ZNF805: variants seen among roughly 807,000 people sequenced by gnomAD.
ZNF805 encodes zinc finger protein 805.
In ZNF805, 7 loss-of-function variants were observed where a neutral mutation model predicts 13.6. That is an observed-to-expected ratio of 0.51 (90% CI 0.29 to 0.97). ZNF805 has a LOEUF of 0.97. Ranked by LOEUF, ZNF805 falls within the 50% of genes least tolerant of loss-of-function variation. The pLI, the probability that ZNF805 is intolerant of heterozygous loss-of-function variation, is 0.08. For synonymous variants in ZNF805, 293 were observed against 279.8 expected, an observed-to-expected ratio of 1.05 and a Z score of -0.47; for missense variants, 604 against 771.0, an observed-to-expected ratio of 0.78 and a Z score of 2.57.
Position 57,240,718 on chromosome 19 carries a change from C to T in ZNF805, c.-174C>T, listed in dbSNP as rs929567938. ...CTGGGGAAATGAGCAGGTAGGAGGC[C>T]GACAGCGACCTCCGCGTCTCGGAGC... On this transcript the variant is annotated 5_prime_UTR_variant, in exon 1 of 4. Transcript: ENST00000414468. The T allele has an allele frequency of 5.2e-6, 3 of 573,034 alleles. No homozygotes were observed. Among genetic ancestry groups the T allele is most frequent in the African/African-American group, 2.0e-5 (1 of 51,180 alleles). 35.5% of individuals were successfully genotyped at this position (573,034 alleles called of 1,614,324 possible).
At chr19:57,248,795 T>A in intron 3 of ZNF805, 95 bp downstream of exon 3, 1 of 1,160,134 alleles carries the variant, frequency 8.6e-7, no homozygotes, top group Non-Finnish European at 1.3e-6. Context: ...CTTCTCACTG[T>A]GGCTTCTCTA....
chr19:57,244,170 C>A, intron 2 of ZNF805, 121 bp downstream of exon 2: 34 of 1,069,618 alleles, frequency 3.2e-5, no homozygotes, highest in Non-Finnish European at 3.7e-5. Context: ...CCCACAAATT[C>A]AGTCATTTTC....
chr19:57,249,350 C>G (rs1369867443), intron 3 of ZNF805, among the ~76,000 whole-genome samples: 1 of 152,086 alleles, frequency 6.6e-6, no homozygotes, highest in Non-Finnish European at 1.5e-5. Flanking sequence ...CTGGTGAGCA[C>G]CTACTCAGTC....
chr19:57,251,149 G>A (rs2087649561), intron 3 of ZNF805, among the ~76,000 whole-genome samples: 1 of 152,146 alleles, frequency 6.6e-6, no homozygotes, highest in Non-Finnish European at 1.5e-5. Context: ...TGTTTCTGGA[G>A]TGAAATAATT....
In ZNF805 at chr19:57,248,597, A is replaced by T. The variant is rs767532107; in HGVS notation, c.158-8A>T. 6.3e-7 allele frequency: 1 copy of T among 1,576,308 alleles called. No homozygotes were observed. The highest frequency in any genetic ancestry group is 8.6e-7 in the Non-Finnish European group (1 of 1,158,704). On this transcript the variant is annotated splice_region_variant and splice_polypyrimidine_tract_variant and intron_variant, in intron 2 of 3. Coordinates refer to ENST00000414468, the MANE Select transcript of ZNF805 (RefSeq NM_001023563.4). ...ATCCATGTGTCCACTTGCTTTCTCC[A>T]TAAACAGGGTGTCCTGTTCCCAGAC...
At position 57,253,425 on chromosome 19, in the gene ZNF805, C is replaced by A. The variant is rs1339432502; in HGVS notation, c.606C>A (p.Ile202=). ...CAGTTATTCAGGAAGAGGAAAATAT[C>A]TTTAAATGCAATGAATGTGAAAAAG... is the stretch of plus-strand genomic sequence containing the variant. ...KNPVIQEEEN[I]FKCNECEKVF... The change falls in exon 4 of 4, where the codon ATC becomes ATA. Residue 202 remains isoleucine (I), a synonymous_variant. Transcript: ENST00000414468. This position sits in a 1 kb window ranked among gnomAD's most constrained non-coding sequence, Gnocchi z 4.4. The A allele has an allele frequency of 2.6e-6, 4 of 1,564,356 alleles. No individual in the cohort carries two copies. Among genetic ancestry groups the A allele is most frequent in the African/African-American group, 2.7e-5 (2 of 73,432 alleles).
At position 57,257,195 on chromosome 19, in the gene ZNF805, T is replaced by C. The variant is rs2087692372; in HGVS notation, c.*2492T>C. 6.6e-6 allele frequency among the ~76,000 whole-genome samples: 1 copy of C among 152,220 alleles called. No homozygotes were observed. The highest frequency in any genetic ancestry group is 1.5e-5 in the Non-Finnish European group (1 of 68,030). ...ACCCAGGATATAGGCTGTCTTGTTT[T>C]ACATAGCTGCTTGAAAAGAATGTGT... On this transcript the variant is annotated 3_prime_UTR_variant, in exon 4 of 4. Coordinates refer to ENST00000414468, the MANE Select transcript of ZNF805 (RefSeq NM_001023563.4).
At chr19:57,242,788 A>C (rs545372840) in intron 1 of ZNF805, among the ~76,000 whole-genome samples, 7 of 152,292 alleles carry the variant, frequency 4.6e-5, no homozygotes, top group Admixed American at 2.0e-4. Flanking sequence ...AAATAGCAAA[A>C]ATATGTAGAA....
intron 2 of ZNF805, among the ~76,000 whole-genome samples, chr19:57,245,778 CAAA>C (rs772154420): frequency 8.1e-6 from 1 of 123,760 alleles, no homozygotes; most frequent in East Asian, 2.3e-4. Flanking sequence ...GACTCCATCT[CAAA>C]AAAAAAAAAA....
Position 57,258,232 on chromosome 19 carries a change from A to C in ZNF805, c.*3529A>C, listed in dbSNP as rs2087701175. On this transcript the variant is annotated 3_prime_UTR_variant, in exon 4 of 4. Coordinates refer to ENST00000414468, the MANE Select transcript of ZNF805 (RefSeq NM_001023563.4). ...TGGTCAGGCTGGTCTCAAACTCCTG[A>C]CCTCAGGTGATCTGCCCACCTCAGC... Among the ~76,000 whole-genome samples, 1 of 151,278 alleles carries C rather than the reference A, an allele frequency of 6.6e-6. No individual in the cohort carries two copies. The highest frequency in any genetic ancestry group is 2.4e-5 in the African/African-American group (1 of 41,138).
chr19:57,241,180 A>G (rs1474210324), intron 1 of ZNF805, among the ~76,000 whole-genome samples: 1 of 152,000 alleles, frequency 6.6e-6, no homozygotes, highest in South Asian at 2.1e-4. Context: ...TGCCCAGGAA[A>G]CCAGCCTCCT....
chr19:57,259,870 A>T lies in ZNF805; in HGVS notation c.*5167A>T, dbSNP rs2122853363. ...AGTTTATAATACTAAAGGGCTCAGA[A>T]AACAGAAAAAACTAAATTCCAGAGT... On this transcript the variant is annotated 3_prime_UTR_variant, in exon 4 of 4. Transcript: ENST00000414468. Among the ~76,000 whole-genome samples the T allele has an allele frequency of 6.6e-6, 1 of 152,350 alleles. No homozygotes were observed. The highest frequency in any genetic ancestry group is 2.1e-4 in the South Asian group (1 of 4,826).
At position 57,260,682 on chromosome 19, in the gene ZNF805, C is replaced by T. The variant is rs1019289223; in HGVS notation, c.*5979C>T. 6.6e-6 allele frequency among the ~76,000 whole-genome samples: 1 copy of T among 152,150 alleles called. No individual in the cohort carries two copies. Among genetic ancestry groups the T allele is most frequent in the Non-Finnish European group, 1.5e-5 (1 of 68,032 alleles). ...TTCACCCCATGACTGAGTTAATTTG[C>T]GCTGAAGACACTTTACTCTCAATTA... On this transcript the variant is annotated 3_prime_UTR_variant, in exon 4 of 4. Coordinates refer to ENST00000414468, the MANE Select transcript of ZNF805 (RefSeq NM_001023563.4).
In ZNF805 at chr19:57,254,860, GT is replaced by G; in HGVS notation, c.*160del. Reference sequence around the variant, plus strand: ...ACCTTTAGCTCCATCTTTCTCATTAGTTTACAGTGCAATGTTATCTCAGGAA... The same window carrying G: ...ACCTTTAGCTCCATCTTTCTCATTAGTTACAGTGCAATGTTATCTCAGGAA... On this transcript the variant is annotated 3_prime_UTR_variant, in exon 4 of 4. Coordinates refer to ENST00000414468, the MANE Select transcript of ZNF805 (RefSeq NM_001023563.4). 3 of 732,672 alleles carry G rather than the reference GT, an allele frequency of 4.1e-6. No homozygotes were observed. The highest frequency in any genetic ancestry group is 6.7e-6 in the Non-Finnish European group (3 of 448,764). The allele number at this position is 732,672 out of a possible 1,614,324, so 45.4% of individuals were successfully genotyped here.
At chr19:57,243,537 T>C (rs1292888368) in intron 1 of ZNF805, among the ~76,000 whole-genome samples, 1 of 152,194 alleles carries the variant, frequency 6.6e-6, no homozygotes, top group Non-Finnish European at 1.5e-5. Flanking sequence ...GGACTTGTAG[T>C]TGCTTTAAAA....
chr19:57,243,536 G>A (rs2087592183), intron 1 of ZNF805, among the ~76,000 whole-genome samples: 1 of 152,190 alleles, frequency 6.6e-6, no homozygotes, highest in Non-Finnish European at 1.5e-5. Context: ...GGGACTTGTA[G>A]TTGCTTTAAA....
chr19:57,245,769 A>C (rs917926604), intron 2 of ZNF805, among the ~76,000 whole-genome samples: 6 of 148,960 alleles, frequency 4.0e-5, no homozygotes, highest in Admixed American at 2.7e-4. Flanking sequence ...ACAGAGCGAG[A>C]CTCCATCTCA....
At chr19:57,243,309 G>A (rs7252148) in intron 1 of ZNF805, among the ~76,000 whole-genome samples, 4,722 of 152,228 alleles carry the variant, frequency 0.031, 253 homozygotes, top group African/African-American at 0.11. Context: ...GTGATTGGCG[G>A]TGGTGTTTAG....
At position 57,260,864 on chromosome 19, in the gene ZNF805, T is replaced by C. The variant is rs10415639; in HGVS notation, c.*6161T>C. 0.18 allele frequency among the ~76,000 whole-genome samples: 28,107 copies of C among 152,202 alleles called. 2,711 individuals carry two copies. Among genetic ancestry groups the C allele is most frequent in the African/African-American group, 0.19 (8,008 of 41,522 alleles). On this transcript the variant is annotated 3_prime_UTR_variant, in exon 4 of 4. Coordinates refer to ENST00000414468, the MANE Select transcript of ZNF805 (RefSeq NM_001023563.4). ...CTTGGCCGTGGGGATGCACCCATAA[T>C]CATCATAAGAGAACACAAATTATTA...
Sources: gnomAD v4.1 joint callset for allele counts (sites outside exome capture counted in the v4.1 genomes callset) on GRCh38, gnomAD v4.1.1 for gene constraint, Gnocchi (gnomAD v3.1) non-coding constraint, MANE v1.5 for transcripts, NCBI Gene and HGNC (gene_info 2026-07-23, HGNC 2026-07-21) for gene names.